The following LRP11 variants were observed in gnomAD, a reference collection of about 807,000 sequenced individuals.
LRP11 encodes the protein LDL receptor related protein 11.
In LRP11, 25 loss-of-function variants were observed where a neutral mutation model predicts 43.1. That is an observed-to-expected ratio of 0.58 (90% CI 0.42 to 0.81). The LOEUF (loss-of-function observed/expected upper bound fraction) is 0.81, where lower values mean the gene tolerates loss of function less well. LRP11 is among the 30% of genes least tolerant of loss of function. The probability of loss-of-function intolerance (pLI) is 0.00; values close to 1 mark genes in which losing one functional copy is unlikely to be tolerated. For synonymous variants in LRP11, 316 were observed against 299.4 expected (o/e 1.06, Z -0.57); for missense variants, 623 against 665.1 (o/e 0.94, Z 0.70).
At chr6:149,861,642 G>T (rs1218346897) in intron 1 of LRP11, among the ~76,000 whole-genome samples, 2 of 152,084 alleles carry the variant, frequency 1.3e-5, no homozygotes. Flanking sequence ...GCCGCCCGAG[G>T]AGCTGGGATC....
intron 5 of LRP11, among the ~76,000 whole-genome samples, chr6:149,829,667 G>A (rs899316227): frequency 7.2e-5 from 11 of 151,860 alleles, no homozygotes; most frequent in South Asian, 6.2e-4. Context: ...TTTTTCAGAG[G>A]ACTAACTGGT....
intron 5 of LRP11, among the ~76,000 whole-genome samples, chr6:149,833,730 A>G (rs1019983393): frequency 9.2e-5 from 14 of 152,352 alleles, no homozygotes; most frequent in African/African-American, 3.1e-4. Context: ...GCATCTGTGA[A>G]AGACCACTCT....
chr6:149,823,046 A>ATT (rs1485546372), intron 6 of LRP11, among the ~76,000 whole-genome samples: 3 of 146,704 alleles, frequency 2.0e-5, no homozygotes, highest in Non-Finnish European at 4.4e-5. Context: ...AAACACCAGC[A>ATT]TTTAGAGGGC....
intron 1 of LRP11, among the ~76,000 whole-genome samples, chr6:149,860,456 C>A (rs80300077): frequency 3.3e-5 from 5 of 152,064 alleles, no homozygotes; most frequent in Admixed American, 3.3e-4. Flanking sequence ...CATCCAGTCC[C>A]CCAACCCTCT....
chr6:149,840,462 T>C (rs1443846968), intron 3 of LRP11, among the ~76,000 whole-genome samples: 2 of 152,224 alleles, frequency 1.3e-5, no homozygotes, highest in African/African-American at 4.8e-5. Context: ...TTTATTATCA[T>C]CTTGGAGAAG....
intron 6 of LRP11, among the ~76,000 whole-genome samples, chr6:149,825,620 C>G (rs1235038171): frequency 6.6e-6 from 1 of 151,904 alleles, no homozygotes; most frequent in African/African-American, 2.4e-5. Context: ...GATAAGATAG[C>G]CTGCTCAAGG....
At chr6:149,825,828 T>C (rs192190288) in intron 6 of LRP11, among the ~76,000 whole-genome samples, 104 of 152,258 alleles carry the variant, frequency 6.8e-4, no homozygotes, top group Middle Eastern at 6.8e-3. Context: ...TTTGTATTTT[T>C]TGTAGAGACA....
chr6:149,820,067 C>T lies in LRP11; in HGVS notation c.*482G>A, dbSNP rs967838165. 2 of 153,958 alleles carry T rather than the reference C, an allele frequency of 1.3e-5. No individual in the cohort carries two copies. Among genetic ancestry groups the T allele is most frequent in the African/African-American group, 4.8e-5 (2 of 41,440 alleles). 9.5% of individuals were successfully genotyped at this position (153,958 alleles called of 1,614,324 possible). On this transcript the variant is annotated 3_prime_UTR_variant, in exon 7 of 7. Coordinates refer to ENST00000239367, the MANE Select transcript of LRP11 (RefSeq NM_032832.6). ...AGTAACATCTGATTGAAGGCATGAACTTGCTTGAGATCCACTCTCAGAAAC... is the reference window on the plus strand; with the variant it reads ...AGTAACATCTGATTGAAGGCATGAATTTGCTTGAGATCCACTCTCAGAAAC...
Position 149,863,591 on chromosome 6 carries a change from C to A in LRP11, c.430G>T (p.Val144Leu). 7.0e-7 allele frequency: 1 copy of A among 1,426,070 alleles called. No homozygotes were observed. 88.3% of individuals were successfully genotyped at this position (1,426,070 alleles called of 1,614,324 possible). Reference protein sequence around the residue: ...CCSEPRCSVAVVELPRRPAPP... With the variant: ...CCSEPRCSVALVELPRRPAPP... ...GCGGGGCGCCGGGGCAGCTCCACCA[C>A]GGCCACGGAGCAGCGCGGCTCGGAG... Residue 144 changes from valine (V) to leucine (L), a missense_variant, in exon 1 of 7, where the codon GTG (valine) becomes TTG (leucine). Transcript: ENST00000239367.
rs751112522 is a variant in LRP11, at chr6:149,863,450, C to G, written c.571G>C (p.Asp191His). 2.0e-4 allele frequency: 264 copies of G among 1,324,096 alleles called. No homozygotes were observed. Among genetic ancestry groups the G allele is most frequent in the Middle Eastern group, 8.5e-4 (3 of 3,536 alleles). The allele number at this position is 1,324,096 out of a possible 1,614,324, so 82.0% of individuals were successfully genotyped here. A position where few individuals can be genotyped will look rare whatever the true frequency, so the allele number is the denominator to read the frequency against. ...CGCGCGGTGGCCAGGGCGGCGCCGT[C>G]CGGCGCGCGGCTGAGGCTGTAGCTG... ...YSSYSLSRAP[D>H]GAALATARAS... is the part of the protein sequence containing the mutation. The change falls in exon 1 of 7, where the codon GAC becomes CAC. Residue 191 changes from aspartate (D) to histidine (H), a missense_variant. Transcript: ENST00000239367.
chr6:149,840,381 G>A (rs1372439907), intron 3 of LRP11, among the ~76,000 whole-genome samples: 1 of 151,986 alleles, frequency 6.6e-6, no homozygotes, highest in African/African-American at 2.4e-5. Flanking sequence ...ACCCACACAA[G>A]ACCTATACTC....
Position 149,835,958 on chromosome 6 carries a change from A to ATT in LRP11, c.1252+126_1252+127insAA, listed in dbSNP as rs1358210895. On this transcript the variant is annotated intron_variant, in intron 5 of 6. Coordinates refer to ENST00000239367, the MANE Select transcript of LRP11 (RefSeq NM_032832.6). ...AAGATTTCCCCCCGCCTTTCTGGCC[A>ATT]AATTCTTAATTTTAACTCTTATTTC... The ATT allele has an allele frequency of 1.7e-5, 15 of 893,980 alleles. No individual in the cohort carries two copies. The African/African-American group carries it at 2.4e-4, about 14-fold the overall frequency. The allele number at this position is 893,980 out of a possible 1,614,324, so 55.4% of individuals were successfully genotyped here.
chr6:149,842,892 A>T (rs1466378990), intron 3 of LRP11, 91 bp downstream of exon 3: 4 of 1,430,988 alleles, frequency 2.8e-6, no homozygotes, highest in Non-Finnish European at 3.9e-6. Flanking sequence ...AAAATGGAAG[A>T]GCCCATGGAG....
chr6:149,853,348 T>C (rs777645996), intron 1 of LRP11, among the ~76,000 whole-genome samples, 188 bp from the exon 2 acceptor site: 4 of 152,164 alleles, frequency 2.6e-5, no homozygotes, highest in Non-Finnish European at 5.9e-5. Flanking sequence ...CAGAAGAGGC[T>C]GTGTGGAGTG....
At chr6:149,830,722 T>A (rs1776398045) in intron 5 of LRP11, among the ~76,000 whole-genome samples, 1 of 152,226 alleles carries the variant, frequency 6.6e-6, no homozygotes, top group Non-Finnish European at 1.5e-5. Flanking sequence ...AAAATTTTTT[T>A]AAACAGCATT....
At chr6:149,853,270 G>T in intron 1 of LRP11, 110 bp from the exon 2 acceptor site, 2 of 796,040 alleles carry the variant, frequency 2.5e-6, no homozygotes, top group African/African-American at 1.8e-5. Flanking sequence ...ACTGCTAAGA[G>T]AATCCATATT....
chr6:149,842,878 A>T, intron 3 of LRP11, 105 bp downstream of exon 3: 1 of 1,386,670 alleles, frequency 7.2e-7, no homozygotes, highest in East Asian at 2.3e-5. Context: ...CAATAACCAA[A>T]AATAAAATGG....
chr6:149,823,195 C>A (rs571262130), intron 6 of LRP11, among the ~76,000 whole-genome samples: 2 of 152,232 alleles, frequency 1.3e-5, no homozygotes, highest in South Asian at 4.1e-4. Context: ...GAATCAAATG[C>A]TAAGGAAATG....
At chr6:149,837,596 C>T in intron 3 of LRP11, 133 bp from the exon 4 acceptor site, 1 of 874,426 alleles carries the variant, frequency 1.1e-6, no homozygotes, top group Non-Finnish European at 1.7e-6. Flanking sequence ...GCAAACCTAA[C>T]AATTCCAGCA....
Sources: gnomAD v4.1 joint callset for allele counts (sites outside exome capture counted in the v4.1 genomes callset) on GRCh38, gnomAD v4.1.1 for gene constraint, MANE v1.5 for transcripts, NCBI Gene and HGNC (gene_info 2026-07-23, HGNC 2026-07-21) for gene names.